STAG1: variants seen among roughly 807,000 people sequenced by gnomAD.
STAG1 encodes STAG1 cohesin complex component.
In STAG1, 26 loss-of-function variants were observed where a neutral mutation model predicts 170.9. That is an observed-to-expected ratio of 0.15 (90% CI 0.11 to 0.21). The LOEUF (loss-of-function observed/expected upper bound fraction) is 0.21, where lower values mean the gene tolerates loss of function less well. Ranked by LOEUF, STAG1 falls within the 10% of genes least tolerant of loss-of-function variation. The pLI, the probability that STAG1 is intolerant of heterozygous loss-of-function variation, is 1.00. For missense variants in STAG1, 964 were observed against 1,509.5 expected (o/e 0.64, Z 5.99); for synonymous variants, 514 against 497.7 (o/e 1.03, Z -0.44).
At chr3:136,372,724 T>C (rs766450186) in intron 23 of STAG1, among the ~76,000 whole-genome samples, 1 of 152,216 alleles carries the variant, frequency 6.6e-6, no homozygotes, top group Non-Finnish European at 1.5e-5. Context: ...GATAAGCTTT[T>C]TGATGTGCTG....
At chr3:136,356,462 C>T (rs1465805202) in intron 28 of STAG1, among the ~76,000 whole-genome samples, 2 of 151,940 alleles carry the variant, frequency 1.3e-5, no homozygotes, top group African/African-American at 4.8e-5. Flanking sequence ...CTAAGTGCAG[C>T]CTCAAACTCC....
chr3:136,456,479 A>C (rs2089115633), intron 13 of STAG1, among the ~76,000 whole-genome samples: 2 of 152,170 alleles, frequency 1.3e-5, no homozygotes, highest in Non-Finnish European at 2.9e-5. Flanking sequence ...CAAAAAGAAA[A>C]AAAGAATTTA....
intron 25 of STAG1, among the ~76,000 whole-genome samples, chr3:136,365,850 T>C (rs1406464260): frequency 3.3e-5 from 5 of 152,002 alleles, no homozygotes; most frequent in African/African-American, 2.4e-5. Context: ...AGTTCTTTCA[T>C]GATTTCTTTT....
intron 3 of STAG1, among the ~76,000 whole-genome samples, chr3:136,616,382 G>C (rs961761109): frequency 6.6e-6 from 1 of 152,060 alleles, no homozygotes; most frequent in African/African-American, 2.4e-5. Context: ...CTGTGTTCTT[G>C]GAACTGTGGT....
At chr3:136,677,213 G>A (rs1046150197) in intron 1 of STAG1, among the ~76,000 whole-genome samples, 31 of 151,938 alleles carry the variant, frequency 2.0e-4, no homozygotes, top group African/African-American at 6.3e-4. Context: ...AATTGTATAC[G>A]TCCCATACTT....
At position 136,422,978 on chromosome 3, in the gene STAG1, T is replaced by C. The variant is rs1363101256; in HGVS notation, c.1717A>G (p.Ile573Val). Residue 573 changes from isoleucine (I) to valine (V), a missense_variant, in exon 17 of 34, where the codon ATT becomes GTT. By Grantham distance (29) the Ile-to-Val change is conservative (BLOSUM62 3). Transcript: ENST00000383202. ...TTTGACAGTAACATAGGAAGTGTAA[T>C]AATAAAATGTTCAGTCAATTTGTTT... Reference protein sequence around the residue: ...DRNKLTEHFIITLPMLLSKYS... With the variant: ...DRNKLTEHFIVTLPMLLSKYS... 4 of 1,608,092 alleles carry C rather than the reference T, an allele frequency of 2.5e-6. No homozygotes were observed. The highest frequency in any genetic ancestry group is 2.2e-5 in the East Asian group (1 of 44,678).
chr3:136,691,949 A>G (rs890912225), intron 1 of STAG1, among the ~76,000 whole-genome samples: 8 of 152,172 alleles, frequency 5.3e-5, no homozygotes, highest in Non-Finnish European at 1.0e-4. Context: ...TAAATGAACT[A>G]TTGTCCTTCC....
chr3:136,594,136 G>A (rs1938312556), intron 4 of STAG1, among the ~76,000 whole-genome samples: 1 of 152,078 alleles, frequency 6.6e-6, no homozygotes, highest in African/African-American at 2.4e-5. Context: ...CAGTTACTAT[G>A]TAACTGTCAG....
intron 13 of STAG1, among the ~76,000 whole-genome samples, chr3:136,464,258 T>C (rs1576492990): frequency 1.3e-5 from 2 of 151,950 alleles, no homozygotes; most frequent in East Asian, 1.9e-4. Context: ...ACCCTGTCTC[T>C]AATAAAAACA....
intron 9 of STAG1, among the ~76,000 whole-genome samples, chr3:136,498,107 A>T (rs1232964857): frequency 1.5e-5 from 2 of 136,278 alleles, no homozygotes; most frequent in Admixed American, 1.5e-4. Context: ...CAGGACAATC[A>T]CTTGAACCCG....
At chr3:136,365,870 T>C (rs907658180) in intron 25 of STAG1, among the ~76,000 whole-genome samples, 1 of 151,790 alleles carries the variant, frequency 6.6e-6, no homozygotes, top group African/African-American at 2.4e-5. Context: ...TTGGATTAAG[T>C]AGAGAAAAAT....
At chr3:136,736,905 T>C (rs1281052255) in intron 1 of STAG1, 57 of 1,588,372 alleles carry the variant, frequency 3.6e-5, no homozygotes, top group Non-Finnish European at 4.5e-5. Flanking sequence ...TCCTCTTCTT[T>C]TGCTCCTGAT....
chr3:136,455,203 T>C (rs1474967575), intron 13 of STAG1, among the ~76,000 whole-genome samples: 1 of 152,184 alleles, frequency 6.6e-6, no homozygotes, highest in Admixed American at 6.5e-5. Context: ...GAACAGAAGA[T>C]TGCCGAGCAT....
At chr3:136,665,498 G>A (rs1300606557) in intron 1 of STAG1, among the ~76,000 whole-genome samples, 2 of 152,146 alleles carry the variant, frequency 1.3e-5, no homozygotes, top group Non-Finnish European at 1.5e-5. Flanking sequence ...AGTGAAAGAA[G>A]GCCAGGCGCA....
chr3:136,608,502 G>A (rs1159127879), intron 3 of STAG1, among the ~76,000 whole-genome samples: 1 of 147,580 alleles, frequency 6.8e-6, no homozygotes, highest in Admixed American at 6.9e-5. Flanking sequence ...CTGTACTCCT[G>A]GATGACAGCG....
intron 3 of STAG1, among the ~76,000 whole-genome samples, chr3:136,619,482 G>A (rs185288847): frequency 4.6e-5 from 7 of 151,970 alleles, no homozygotes; most frequent in Non-Finnish European, 8.8e-5. Context: ...TTTAGGCCTG[G>A]CGTGGTGGCT....
chr3:136,453,959 G>A (rs535184697), intron 13 of STAG1, among the ~76,000 whole-genome samples: 1 of 151,914 alleles, frequency 6.6e-6, no homozygotes, highest in Non-Finnish European at 1.5e-5. Flanking sequence ...CATATTAGGG[G>A]ACTAGAGAAC....
In STAG1 at chr3:136,337,924, T is replaced by C. The variant is rs1433880160; in HGVS notation, c.*330A>G. On this transcript the variant is annotated 3_prime_UTR_variant, in exon 34 of 34. Coordinates refer to ENST00000383202, the MANE Select transcript of STAG1 (RefSeq NM_005862.3). ...CAATGTTGAGTTTTCATAAAACAGG[T>C]GTATAACAGTGTTTATCTTGACAGC... The C allele has an allele frequency of 8.4e-6, 2 of 237,420 alleles. No homozygotes were observed. Among genetic ancestry groups the C allele is most frequent in the East Asian group, 8.4e-5 (1 of 11,892 alleles). The allele number at this position is 237,420 out of a possible 1,614,324, so 14.7% of individuals were successfully genotyped here. A position where few individuals can be genotyped will look rare whatever the true frequency, so the allele number is the denominator to read the frequency against.
Position 136,433,613 on chromosome 3 carries a change from A to G in STAG1, c.1593T>C (p.Cys531=), listed in dbSNP as rs1266429829. Residue 531 remains cysteine (C), a synonymous_variant, in exon 16 of 34, where the codon TGT becomes TGC. Coordinates refer to ENST00000383202, the MANE Select transcript of STAG1 (RefSeq NM_005862.3). ...GTGCCTCAGCAGCTTGACGAATTGT[A>G]CAAACCATTAGCTCTATAAGAGCAC... ...QESALIELMV[C]TIRQAAEAHP... is the part of the protein sequence containing the mutation. The G allele has an allele frequency of 6.2e-7, 1 of 1,604,744 alleles. No individual in the cohort carries two copies. Among genetic ancestry groups the G allele is most frequent in the Non-Finnish European group, 8.5e-7 (1 of 1,176,932 alleles).
Sources: gnomAD v4.1 joint callset for allele counts (sites outside exome capture counted in the v4.1 genomes callset) on GRCh38, gnomAD v4.1.1 for gene constraint, MANE v1.5 for transcripts, NCBI Gene and HGNC (gene_info 2026-07-23, HGNC 2026-07-21) for gene names.